The following VANGL1 variants were observed in gnomAD, a reference collection of about 807,000 sequenced individuals.
VANGL1 encodes the protein vang-like protein 1.
Under a neutral mutation model 48.4 loss-of-function variants are expected in VANGL1, and 18 were observed. The observed-to-expected ratio is 0.37, with a 90% CI of 0.26 to 0.55. VANGL1 has a LOEUF of 0.55. Ranked by LOEUF, VANGL1 falls within the 20% of genes least tolerant of loss-of-function variation. VANGL1 has a pLI of 0.81. For synonymous variants in VANGL1, 257 were observed against 261.8 expected (o/e 0.98, Z 0.18); for missense variants, 667 against 675.8 (o/e 0.99, Z 0.14).
intron 1 of VANGL1, among the ~76,000 whole-genome samples, chr1:115,646,025 TATC>T (rs10565983): frequency 0.19 from 29,327 of 152,030 alleles, 3,976 homozygotes; most frequent in African/African-American, 0.39. Context: ...CCACTGTCAT[TATC>T]ATAACATATT....
At chr1:115,669,613 G>T (rs576029625) in intron 4 of VANGL1, among the ~76,000 whole-genome samples, 1 of 141,698 alleles carries the variant, frequency 7.1e-6, no homozygotes, top group Non-Finnish European at 1.6e-5. Context: ...ATAAAAGGTG[G>T]CTCTCATTTT....
At position 115,651,399 on chromosome 1, in the gene VANGL1, A is replaced by G; in HGVS notation, c.-15A>G. ...CAGTACCTGCTCCTTCCTCAAGCGC[A>G]AGCCCTCCATTGCTATGGATACCGA... is the stretch of plus-strand genomic sequence containing the variant. On this transcript the variant is annotated 5_prime_UTR_variant, in exon 2 of 8. Coordinates refer to ENST00000355485, the MANE Select transcript of VANGL1 (RefSeq NM_138959.3). 1 of 1,613,570 alleles carries G rather than the reference A, an allele frequency of 6.2e-7. No homozygotes were observed. The highest frequency in any genetic ancestry group is 1.1e-5 in the South Asian group (1 of 91,064).
chr1:115,652,484 G>A (rs1237454847), intron 2 of VANGL1, among the ~76,000 whole-genome samples: 1 of 152,218 alleles, frequency 6.6e-6, no homozygotes, highest in East Asian at 1.9e-4. Context: ...CTCCTACAGG[G>A]CTGTTGAGAG....
At chr1:115,680,023 ATGTG>A (rs1557773452) in intron 4 of VANGL1, among the ~76,000 whole-genome samples, 2 of 125,106 alleles carry the variant, frequency 1.6e-5, no homozygotes, top group African/African-American at 6.7e-5. Flanking sequence ...GTGTGTGTGT[ATGTG>A]AGAGAGAGAG....
intron 1 of VANGL1, among the ~76,000 whole-genome samples, chr1:115,648,713 A>G (rs559699906): frequency 2.6e-5 from 4 of 152,348 alleles, no homozygotes; most frequent in African/African-American, 9.6e-5. Context: ...AAGCTCAGAG[A>G]GGCAAACATT....
intron 3 of VANGL1, 88 bp from the exon 4 acceptor site, chr1:115,663,573 G>C: frequency 6.4e-7 from 1 of 1,560,976 alleles, no homozygotes; most frequent in Non-Finnish European, 8.8e-7. Flanking sequence ...GGGCTGGGTA[G>C]ATGCAGCGGG....
intron 2 of VANGL1, among the ~76,000 whole-genome samples, chr1:115,653,267 G>A (rs755865748): frequency 2.0e-5 from 3 of 152,198 alleles, no homozygotes; most frequent in African/African-American, 7.2e-5. Context: ...GGAGCTCGGG[G>A]CAGGTGCTGC....
At chr1:115,661,760 G>A (rs1379961533) in intron 3 of VANGL1, among the ~76,000 whole-genome samples, 1 of 152,038 alleles carries the variant, frequency 6.6e-6, no homozygotes, top group Non-Finnish European at 1.5e-5. Context: ...CGGGATTACA[G>A]GCACGCACCA....
chr1:115,672,688 G>A (rs939198553), intron 4 of VANGL1, among the ~76,000 whole-genome samples: 3 of 152,190 alleles, frequency 2.0e-5, no homozygotes, highest in African/African-American at 4.8e-5. Flanking sequence ...ATCATTGCCT[G>A]TTATCTATGG....
In VANGL1 at chr1:115,697,988, C is replaced by T. The variant is rs375912178; in HGVS notation, c.*6609C>T. On this transcript the variant is annotated 3_prime_UTR_variant, in exon 8 of 8. Transcript: ENST00000355485. ...AATGAATGACACTACCAGCAACCAT[C>T]TGTACAGGTCCATTTACTTACATTC... is the stretch of plus-strand genomic sequence containing the variant. The T allele has an allele frequency of 2.0e-4, 31 of 152,288 alleles. 1 individual carries two copies. In the East Asian group the frequency reaches 5.8e-3, roughly 28 times the overall value. The allele number at this position is 152,288 out of a possible 1,614,324, so 9.4% of individuals were successfully genotyped here. A position where few individuals can be genotyped will look rare whatever the true frequency, so the allele number is the denominator to read the frequency against.
intron 1 of VANGL1, among the ~76,000 whole-genome samples, chr1:115,644,204 G>T (rs1015644820): frequency 3.9e-5 from 6 of 152,182 alleles, no homozygotes; most frequent in Non-Finnish European, 8.8e-5. Flanking sequence ...GACTCTCAAC[G>T]TTTAAGCCCT....
At position 115,677,564 on chromosome 1, in the gene VANGL1, C is replaced by T. The variant is rs1420754721; in HGVS notation, c.813-4800C>T. 4.6e-5 allele frequency among the ~76,000 whole-genome samples: 7 copies of T among 152,144 alleles called. No individual in the cohort carries two copies. In the East Asian group the frequency reaches 7.7e-4, roughly 17 times the overall value. On this transcript the variant is annotated intron_variant, in intron 4 of 7. Coordinates refer to ENST00000355485, the MANE Select transcript of VANGL1 (RefSeq NM_138959.3). ...GAGGTTTTTATGCATAGGTCTCAAG[C>T]GAATTTCTGTCACAACTAGGCGTAC...
chr1:115,685,592 A>C, intron 7 of VANGL1, 65 bp downstream of exon 7: 1 of 1,530,078 alleles, frequency 6.5e-7, no homozygotes, highest in Non-Finnish European at 9.0e-7. Context: ...GGCCAGTTGA[A>C]TTATAGCGTG....
chr1:115,652,578 G>A (rs2101308773), intron 2 of VANGL1, among the ~76,000 whole-genome samples: 1 of 152,296 alleles, frequency 6.6e-6, no homozygotes, highest in South Asian at 2.1e-4. Flanking sequence ...ATGCTGTAAT[G>A]GCCTTGGCAT....
rs993702994 is a variant in VANGL1, at chr1:115,697,538, G to A, written c.*6159G>A. 3 of 152,202 alleles carry A rather than the reference G, an allele frequency of 2.0e-5. No homozygotes were observed. The highest frequency in any genetic ancestry group is 7.2e-5 in the African/African-American group (3 of 41,432). The allele number at this position is 152,202 out of a possible 1,614,324, so 9.4% of individuals were successfully genotyped here. A position where few individuals can be genotyped will look rare whatever the true frequency, so the allele number is the denominator to read the frequency against. ...GCAGGATGCCAGCAAAGATGAGGGT[G>A]GGGGCAGATACTGGCTCAGTGATTT... On this transcript the variant is annotated 3_prime_UTR_variant, in exon 8 of 8. Coordinates refer to ENST00000355485, the MANE Select transcript of VANGL1 (RefSeq NM_138959.3).
chr1:115,646,490 T>C (rs937865373), intron 1 of VANGL1, among the ~76,000 whole-genome samples: 3 of 146,186 alleles, frequency 2.1e-5, no homozygotes, highest in African/African-American at 7.8e-5. Context: ...GCCAGTAGTA[T>C]AGCTTTTTTT....
At chr1:115,647,366 T>C (rs1429505401) in intron 1 of VANGL1, among the ~76,000 whole-genome samples, 1 of 152,238 alleles carries the variant, frequency 6.6e-6, no homozygotes, top group Admixed American at 6.5e-5. Context: ...TCTGACCTTA[T>C]CATGAGTTTG....
chr1:115,696,015 T>C lies in VANGL1; in HGVS notation c.*4636T>C, dbSNP rs1359796706. 6.6e-6 allele frequency: 1 copy of C among 152,314 alleles called. No homozygotes were observed. The highest frequency in any genetic ancestry group is 1.9e-4 in the East Asian group (1 of 5,176). 9.4% of individuals were successfully genotyped at this position (152,314 alleles called of 1,614,324 possible). Reference sequence around the variant, plus strand: ...TATGCTAGCAAATATCTTAGGATATTTGATGGAAAGAACTTGAGAATCCCT... The same window carrying C: ...TATGCTAGCAAATATCTTAGGATATCTGATGGAAAGAACTTGAGAATCCCT... On this transcript the variant is annotated 3_prime_UTR_variant, in exon 8 of 8. Coordinates refer to ENST00000355485, the MANE Select transcript of VANGL1 (RefSeq NM_138959.3).
At chr1:115,649,630 T>C (rs1194335662) in intron 1 of VANGL1, among the ~76,000 whole-genome samples, 1 of 152,222 alleles carries the variant, frequency 6.6e-6, no homozygotes, top group Non-Finnish European at 1.5e-5. Context: ...GTTAGCTCAT[T>C]TGGTCTTCAC....
Sources: gnomAD v4.1 joint callset for allele counts (sites outside exome capture counted in the v4.1 genomes callset) on GRCh38, gnomAD v4.1.1 for gene constraint, MANE v1.5 for transcripts, NCBI Gene and HGNC (gene_info 2026-07-23, HGNC 2026-07-21) for gene names.